The following BRWD1 variants were observed in gnomAD, a reference collection of about 807,000 sequenced individuals.
BRWD1 encodes bromodomain and WD repeat-containing protein 1.
A neutral mutation model predicts 251.2 loss-of-function variants in BRWD1; 82 were observed. The ratio of observed to expected loss-of-function variants is 0.33; its 90% CI spans 0.27 to 0.39. BRWD1 has a LOEUF of 0.39. Among genes scored for constraint, BRWD1 ranks in the 10% least tolerant of loss-of-function variants. The pLI is 1.00. For missense variants in BRWD1, 2,233 were observed against 2,711.6 expected (o/e 0.82, Z 3.92); for synonymous variants, 918 against 902.8 (o/e 1.02, Z -0.30).
chr21:39,314,321 G>GA (rs1487351384), upstream of BRWD1: 1 of 455,998 alleles, frequency 2.2e-6, no homozygotes, highest in Non-Finnish European at 4.4e-6. Flanking sequence ...CAGCCCGGCA[G>GA]AAAATTACAT....
intron 8 of BRWD1, among the ~76,000 whole-genome samples, chr21:39,288,594 C>T (rs1425294370): frequency 6.6e-6 from 1 of 152,160 alleles, no homozygotes; most frequent in African/African-American, 2.4e-5. Flanking sequence ...GTTGAAAATC[C>T]ACACGTAACT....
intron 7 of BRWD1, among the ~76,000 whole-genome samples, chr21:39,295,443 G>A (rs914083697): frequency 2.0e-5 from 3 of 149,382 alleles, no homozygotes; most frequent in African/African-American, 4.9e-5. Context: ...TGTCTCGGCC[G>A]CCCAAAGTGC....
rs148989688 is a variant in BRWD1, at chr21:39,202,233, C to T, written c.4585+92G>A. On this transcript the variant is annotated intron_variant, in intron 38 of 40. Coordinates refer to ENST00000342449, the MANE Select transcript of BRWD1 (RefSeq NM_033656.4). ...GTAAGTTCTTTCAGTGTCAAGGCCA[C>T]ATCTTTATATTTTCCTCTAAATCTC... is the stretch of plus-strand genomic sequence containing the variant. 668 of 879,542 alleles carry T rather than the reference C, an allele frequency of 7.6e-4. 2 individuals carry two copies. The African/African-American group carries it at 0.01, about 13-fold the overall frequency. 54.5% of individuals were successfully genotyped at this position (879,542 alleles called of 1,614,324 possible).
rs938785671 is a variant in BRWD1 at position 39,255,763 on chromosome 21, C to T, written c.2137G>A (p.Val713Ile). ...TGATGCATCTGACGAACACCTTCAA[C>T]TTGTCCACTACGACGCAGACCAATA... ...PNIGLRRSGQ[V>I]EGVRQMHQNA... Residue 713 changes from valine to isoleucine, a missense_variant, in exon 19 of 41, where the codon GTT becomes ATT. By Grantham distance (29) the Val-to-Ile change is conservative. Around this residue, in one of 12 missense-constraint regions of BRWD1, gnomAD observed 35 missense variants for 76.3 expected, o/e 0.46. Transcript: ENST00000342449. The T allele has an allele frequency of 1.9e-6, 3 of 1,614,198 alleles. No individual in the cohort carries two copies. Among genetic ancestry groups the T allele is most frequent in the Non-Finnish European group, 2.5e-6 (3 of 1,180,030 alleles).
chr21:39,309,564 C>A (rs2036400511), intron 4 of BRWD1, among the ~76,000 whole-genome samples: 2 of 151,540 alleles, frequency 1.3e-5, no homozygotes, highest in South Asian at 4.2e-4. Flanking sequence ...GTGGCTCACG[C>A]CTGTAATCCC....
chr21:39,243,490 G>A (rs1372217447), intron 21 of BRWD1, among the ~76,000 whole-genome samples: 1 of 152,098 alleles, frequency 6.6e-6, no homozygotes, highest in Non-Finnish European at 1.5e-5. Context: ...TGTCACCCAG[G>A]CTAGAGTTAC....
chr21:39,271,994 G>A (rs1320125555), intron 13 of BRWD1, among the ~76,000 whole-genome samples: 4 of 124,068 alleles, frequency 3.2e-5, no homozygotes, highest in Admixed American at 9.7e-5. Flanking sequence ...AGCTGAGACC[G>A]TGCCACTCCA....
chr21:39,215,307 A>G lies in BRWD1; in HGVS notation c.3715T>C (p.Phe1239Leu). The G allele has an allele frequency of 6.2e-7, 1 of 1,613,382 alleles. No individual in the cohort carries two copies. Among genetic ancestry groups the G allele is most frequent in the Non-Finnish European group, 8.5e-7 (1 of 1,179,356 alleles). The change falls in exon 32 of 41, where the codon TTT becomes CTT. Residue 1239 changes from phenylalanine (F) to leucine (L), a missense_variant. Phe to Leu is a conservative substitution (Grantham distance 22). Around this residue, in one of 12 missense-constraint regions of BRWD1, gnomAD observed 167 missense variants for 183.2 expected, o/e 0.91. Coordinates refer to ENST00000342449, the MANE Select transcript of BRWD1 (RefSeq NM_033656.4). ...GCAATTACACTCTCAGGTTCGTTAA[A>G]TGTTCTGGCATTATGTTCTATATAT... is the stretch of plus-strand genomic sequence containing the variant. ...VRYIEHNART[F>L]NEPESVIARS...
chr21:39,252,984 G>A (rs902618041), intron 19 of BRWD1, among the ~76,000 whole-genome samples: 1 of 152,074 alleles, frequency 6.6e-6, no homozygotes, highest in Admixed American at 6.6e-5. Flanking sequence ...TGGACTATGC[G>A]GTGACCTTAA....
chr21:39,247,400 C>A (rs893979777), intron 21 of BRWD1, among the ~76,000 whole-genome samples: 1 of 152,086 alleles, frequency 6.6e-6, no homozygotes, highest in Non-Finnish European at 1.5e-5. Flanking sequence ...ATCCAAAAAT[C>A]CAAAATCTGA....
chr21:39,189,772 T>C lies in BRWD1; in HGVS notation c.*6487A>G. 2 of 984,326 alleles carry C rather than the reference T, an allele frequency of 2.0e-6. No homozygotes were observed. Among genetic ancestry groups the C allele is most frequent in the Non-Finnish European group, 2.4e-6 (2 of 828,974 alleles). 61.0% of individuals were successfully genotyped at this position (984,326 alleles called of 1,614,324 possible). A position where few individuals can be genotyped will look rare whatever the true frequency, so the allele number is the denominator to read the frequency against. Reference sequence around the variant, plus strand: ...TTTTTCTCAAGAAAACTACAAACAGTTTTAGAAATATATATAGGATATTTC... The same window carrying C: ...TTTTTCTCAAGAAAACTACAAACAGCTTTAGAAATATATATAGGATATTTC... On this transcript the variant is annotated 3_prime_UTR_variant, in exon 41 of 41. Coordinates refer to ENST00000342449, the MANE Select transcript of BRWD1 (RefSeq NM_033656.4).
At chr21:39,296,718 T>C (rs1003627684) in intron 5 of BRWD1, 5 of 828,250 alleles carry the variant, frequency 6.0e-6, no homozygotes, top group African/African-American at 5.8e-5. Flanking sequence ...TTTAAAGAGA[T>C]CCACAGCAAA....
chr21:39,314,615 C>A, upstream of BRWD1: 1 of 341,252 alleles, frequency 2.9e-6, no homozygotes, highest in Non-Finnish European at 5.8e-6. Context: ...TATGAGTTTC[C>A]TCCGCGCATC....
chr21:39,281,257 T>C (rs532830822), intron 8 of BRWD1, among the ~76,000 whole-genome samples: 3 of 152,132 alleles, frequency 2.0e-5, no homozygotes, highest in African/African-American at 7.2e-5. Context: ...ATATACAGTA[T>C]TGATTGAAAA....
intron 21 of BRWD1, among the ~76,000 whole-genome samples, chr21:39,247,173 G>C (rs1006985419): frequency 2.0e-5 from 3 of 152,146 alleles, no homozygotes; most frequent in Non-Finnish European, 4.4e-5. Flanking sequence ...GGGGGAGAGG[G>C]AGGGACTGGC....
chr21:39,257,049 C>T (rs915743498), intron 18 of BRWD1, among the ~76,000 whole-genome samples: 2 of 151,938 alleles, frequency 1.3e-5, no homozygotes, highest in African/African-American at 2.4e-5. Context: ...TTTAACTGCC[C>T]AAGTCATAGC....
Position 39,193,699 on chromosome 21 carries a change from C to T in BRWD1, c.*2560G>A, listed in dbSNP as rs954973555. 1.0e-6 allele frequency: 1 copy of T among 985,310 alleles called. No homozygotes were observed. The allele number at this position is 985,310 out of a possible 1,614,324, so 61.0% of individuals were successfully genotyped here. A position where few individuals can be genotyped will look rare whatever the true frequency, so the allele number is the denominator to read the frequency against. ...GGATCAGTTCACATTCAAATTATAA[C>T]CCTTTATCTTTTTCTCAAGAATACT... On this transcript the variant is annotated 3_prime_UTR_variant, in exon 41 of 41. Coordinates refer to ENST00000342449, the MANE Select transcript of BRWD1 (RefSeq NM_033656.4).
Position 39,218,183 on chromosome 21 carries a change from T to C in BRWD1, c.3628A>G (p.Ile1210Val), listed in dbSNP as rs1461864776. 1.9e-6 allele frequency: 3 copies of C among 1,609,810 alleles called. No homozygotes were observed. Among genetic ancestry groups the C allele is most frequent in the African/African-American group, 1.3e-5 (1 of 74,758 alleles). ...VVAYPTDLYT[I>V]RMRLVNRFYR... ...AATCGATTAACAAGTCTCATTCGAA[T>C]TGTGTAAAGATCGGTTGGATAAGCT... Residue 1210 changes from isoleucine (I) to valine (V), a missense_variant, in exon 31 of 41, where the codon ATT (isoleucine) becomes GTT (valine). By Grantham distance (29) the Ile-to-Val change is conservative (BLOSUM62 3). This residue lies in a region of BRWD1 where 167 missense variants were observed against 183.2 expected (regional missense o/e 0.91). Coordinates refer to ENST00000342449, the MANE Select transcript of BRWD1 (RefSeq NM_033656.4).
intron 27 of BRWD1, among the ~76,000 whole-genome samples, chr21:39,227,443 C>CAATT (rs10685999): frequency 0.015 from 2,309 of 152,036 alleles, 54 homozygotes; most frequent in African/African-American, 0.053. Context: ...GTCATTCAAT[C>CAATT]ATCAATTATA....
Sources: allele counts gnomAD v4.1 joint callset (sites outside exome capture counted in the v4.1 genomes callset), GRCh38; gene constraint gnomAD v4.1.1; regional missense constraint gnomAD v4.1.1; transcripts MANE v1.5; gene names NCBI Gene and HGNC (gene_info 2026-07-23, HGNC 2026-07-21).